Variants in FTO observed in about 807,000 individuals in gnomAD.
The protein encoded by FTO is FTO alpha-ketoglutarate dependent dioxygenase, also known as alpha-ketoglutarate-dependent dioxygenase FTO.
In FTO, 47 loss-of-function variants were observed where a neutral mutation model predicts 63.9. That is an observed-to-expected ratio of 0.74 (90% CI 0.58 to 0.94). The LOEUF is 0.94. FTO is among the 40% of genes least tolerant of loss of function. The pLI, the probability that FTO is intolerant of heterozygous loss-of-function variation, is 0.00. For missense variants in FTO, 562 were observed against 618.1 expected (o/e 0.91, Z 0.96); for synonymous variants, 207 against 224.4 (o/e 0.92, Z 0.69).
chr16:53,782,252 C>T (rs761228689), intron 1 of FTO, among the ~76,000 whole-genome samples: 52 of 152,166 alleles, frequency 3.4e-4, no homozygotes, highest in African/African-American at 5.5e-4. Context: ...AACTAATTTC[C>T]GGTTTCCATA....
At chr16:53,878,194 AG>A (rs1213342395) in intron 5 of FTO, among the ~76,000 whole-genome samples, 2 of 152,132 alleles carry the variant, frequency 1.3e-5, no homozygotes, top group Non-Finnish European at 2.9e-5. Flanking sequence ...GCTACTTGGG[AG>A]GCTGAGGCAG....
intron 1 of FTO, among the ~76,000 whole-genome samples, chr16:53,712,248 A>T (rs561630878): frequency 6.6e-6 from 1 of 152,222 alleles, no homozygotes; most frequent in East Asian, 1.9e-4. Flanking sequence ...GCCATTCTAG[A>T]TTATGTCACC....
intron 8 of FTO, among the ~76,000 whole-genome samples, chr16:53,939,168 T>A (rs1181071119): frequency 6.6e-6 from 1 of 152,160 alleles, no homozygotes; most frequent in Non-Finnish European, 1.5e-5. Flanking sequence ...ATAATTATGT[T>A]AAAAAATCAA....
chr16:53,807,888 A>G lies in FTO; in HGVS notation c.46-2252A>G, dbSNP rs188403636. ...CATGGAAATATCATTGGTTCTTTCT[A>G]TGGCCCAAATAATAGTTAATACTGA... On this transcript the variant is annotated intron_variant, in intron 1 of 8. Coordinates refer to ENST00000471389, the MANE Select transcript of FTO (RefSeq NM_001080432.3). 1.8e-3 allele frequency among the ~76,000 whole-genome samples: 270 copies of G among 152,346 alleles called. 1 individual carries two copies. The highest frequency in any genetic ancestry group is 6.1e-3 in the African/African-American group (254 of 41,588).
At chr16:53,922,760 C>G (rs1437480984) in intron 7 of FTO, among the ~76,000 whole-genome samples, 1 of 152,176 alleles carries the variant, frequency 6.6e-6, no homozygotes, top group East Asian at 1.9e-4. Flanking sequence ...GAATGTCACC[C>G]AGAACCAACA....
chr16:53,913,198 T>C (rs189650714), intron 7 of FTO, among the ~76,000 whole-genome samples: 1 of 152,378 alleles, frequency 6.6e-6, no homozygotes, highest in East Asian at 1.9e-4. Context: ...GCTGACTCTA[T>C]GCAAAAGAAA....
chr16:53,911,238 T>A, intron 7 of FTO: 31 of 533,852 alleles, frequency 5.8e-5, no homozygotes, highest in Middle Eastern at 4.6e-4. Flanking sequence ...GCGATTGGAG[T>A]GAGTAAGAGA....
intron 1 of FTO, among the ~76,000 whole-genome samples, chr16:53,763,765 TTGTAA>T (rs1049582193): frequency 1.3e-5 from 2 of 152,224 alleles, no homozygotes; most frequent in Admixed American, 6.5e-5. Flanking sequence ...GCTTTATTAT[TTGTAA>T]TGTAGGAACC....
intron 7 of FTO, among the ~76,000 whole-genome samples, chr16:53,925,425 C>T (rs749894022): frequency 6.6e-6 from 1 of 151,744 alleles, no homozygotes; most frequent in African/African-American, 2.4e-5. Context: ...TTCTGGGATC[C>T]TGGTGTTTAA....
At chr16:53,839,748 C>A (rs965434149) in intron 3 of FTO, among the ~76,000 whole-genome samples, 1 of 146,040 alleles carries the variant, frequency 6.8e-6, no homozygotes, top group African/African-American at 2.6e-5. Context: ...TTATTTTTTT[C>A]AAGTCATTAT....
Position 53,826,085 on chromosome 16 carries a change from G to A in FTO, c.345G>A (p.Thr115=), listed in dbSNP as rs765812416. The A allele has an allele frequency of 1.1e-4, 185 of 1,613,954 alleles. 1 individual carries two copies. Among genetic ancestry groups the A allele is most frequent in the Middle Eastern group, 1.6e-4 (1 of 6,084 alleles). The change falls in exon 3 of 9, where the codon ACG becomes ACA. Residue 115 remains threonine, a synonymous_variant. Coordinates refer to ENST00000471389, the MANE Select transcript of FTO (RefSeq NM_001080432.3). ...TYKYLNTRLF[T]VPWPVKGSNI... Reference sequence around the variant, plus strand: ...AGTACCTGAACACCAGGCTCTTTACGGTCCCCTGGCCAGTGAAAGGGTCTA... The same window carrying A: ...AGTACCTGAACACCAGGCTCTTTACAGTCCCCTGGCCAGTGAAAGGGTCTA...
At position 53,896,555 on chromosome 16, in the gene FTO, C is replaced by T. The variant is rs149304638; in HGVS notation, c.1239+7604C>T. 3.4e-4 allele frequency among the ~76,000 whole-genome samples: 51 copies of T among 152,170 alleles called. 1 individual carries two copies. Among genetic ancestry groups the T allele is most frequent in the African/African-American group, 1.2e-3 (51 of 41,526 alleles). On this transcript the variant is annotated intron_variant, in intron 7 of 8. Coordinates refer to ENST00000471389, the MANE Select transcript of FTO (RefSeq NM_001080432.3). ...TCAAGATGTTAGAATCTTTTTCCCC[C>T]AAGTTGGTTAATGAATAATCACTAA...
chr16:53,835,747 C>T (rs188670717), intron 3 of FTO, among the ~76,000 whole-genome samples: 119 of 152,214 alleles, frequency 7.8e-4, no homozygotes, highest in African/African-American at 2.8e-3. Context: ...CTCCAGTTTT[C>T]TCATCTCTTT....
At chr16:53,808,315 C>G (rs539908367) in intron 1 of FTO, among the ~76,000 whole-genome samples, 2 of 149,466 alleles carry the variant, frequency 1.3e-5, no homozygotes, top group Admixed American at 6.7e-5. Flanking sequence ...GCCTGTGGGA[C>G]AGAATGAAAC....
At chr16:53,880,216 C>T (rs886076812) in intron 6 of FTO, among the ~76,000 whole-genome samples, 13 of 152,048 alleles carry the variant, frequency 8.5e-5, no homozygotes, top group South Asian at 2.1e-4. Flanking sequence ...AGGCTGGTCT[C>T]GAACTCCTGA....
chr16:53,994,088 A>G (rs143518457), intron 8 of FTO: 1 of 152,310 alleles, frequency 6.6e-6, no homozygotes, highest in African/African-American at 2.4e-5. Flanking sequence ...CTCTAAAGGA[A>G]CTAGTTCCTT....
chr16:53,734,511 C>T lies in FTO; in HGVS notation c.45+30282C>T, dbSNP rs191311898. 2.0e-5 allele frequency among the ~76,000 whole-genome samples: 3 copies of T among 152,322 alleles called. No homozygotes were observed. In the East Asian group the frequency reaches 5.8e-4, roughly 29 times the overall value. On this transcript the variant is annotated intron_variant, in intron 1 of 8. Coordinates refer to ENST00000471389, the MANE Select transcript of FTO (RefSeq NM_001080432.3). Reference sequence around the variant, plus strand: ...ATCTGTGGTTGGGTGGCCAATATCACATGAAAGAGTTTTGTGCCTTTTTGC... The same window carrying T: ...ATCTGTGGTTGGGTGGCCAATATCATATGAAAGAGTTTTGTGCCTTTTTGC...
At chr16:53,706,823 G>A (rs2075635768) in intron 1 of FTO, among the ~76,000 whole-genome samples, 3 of 152,136 alleles carry the variant, frequency 2.0e-5, no homozygotes, top group Non-Finnish European at 4.4e-5. Context: ...ACTTGTTGCT[G>A]GACATTAGGA....
chr16:54,015,768 A>G (rs74019534), intron 8 of FTO, among the ~76,000 whole-genome samples: 5,510 of 152,238 alleles, frequency 0.036, 348 homozygotes, highest in African/African-American at 0.13. Context: ...GTACTTTATT[A>G]TCTATCCCTG....
Sources: gnomAD v4.1 joint callset for allele counts (sites outside exome capture counted in the v4.1 genomes callset) on GRCh38, gnomAD v4.1.1 for gene constraint, MANE v1.5 for transcripts, NCBI Gene and HGNC (gene_info 2026-07-23, HGNC 2026-07-21) for gene names.